Variants in SLC25A37 observed in about 807,000 individuals in gnomAD.
The protein encoded by SLC25A37 is mitoferrin-1.
A neutral mutation model predicts 31.0 loss-of-function variants in SLC25A37; 17 were observed. That is an observed-to-expected ratio of 0.55 (90% CI 0.38 to 0.82). The LOEUF (loss-of-function observed/expected upper bound fraction) is 0.82, where lower values mean the gene tolerates loss of function less well. SLC25A37 is among the 40% of genes least tolerant of loss of function. The pLI, the probability that SLC25A37 is intolerant of heterozygous loss-of-function variation, is 0.00. For synonymous variants in SLC25A37, 222 were observed against 193.0 expected (o/e 1.15, Z -1.24); for missense variants, 404 against 465.8 (o/e 0.87, Z 1.22).
chr8:23,571,822 C>G lies in SLC25A37; in HGVS notation c.984C>G (p.Thr328=). The change falls in exon 4 of 4, where the codon ACC becomes ACG. Residue 328 remains threonine (T), a synonymous_variant. Transcript: ENST00000519973. ...SVYEFFKYFL[T]KRQLENRAPY Reference sequence around the variant, plus strand: ...ATGAGTTCTTCAAGTACTTTCTCACCAAGCGCCAGCTGGAAAATCGAGCTC... The same window carrying G: ...ATGAGTTCTTCAAGTACTTTCTCACGAAGCGCCAGCTGGAAAATCGAGCTC... 3 of 1,611,736 alleles carry G rather than the reference C, an allele frequency of 1.9e-6. No individual in the cohort carries two copies. The highest frequency in any genetic ancestry group is 2.5e-6 in the Non-Finnish European group (3 of 1,177,968).
At chr8:23,569,239 G>C (rs1802752805) in intron 3 of SLC25A37, among the ~76,000 whole-genome samples, 1 of 152,172 alleles carries the variant, frequency 6.6e-6, no homozygotes, top group Non-Finnish European at 1.5e-5. Flanking sequence ...ACTCAGCCAG[G>C]GCGACAGAGC....
intron 1 of SLC25A37, chr8:23,531,899 T>C (rs1801668833): frequency 1.3e-5 from 2 of 152,316 alleles, no homozygotes; most frequent in Admixed American, 1.3e-4. Context: ...GGACTCTGCA[T>C]TTAAAAATAA....
intron 1 of SLC25A37, among the ~76,000 whole-genome samples, chr8:23,530,662 A>C (rs1801645485): frequency 6.6e-6 from 1 of 152,194 alleles, no homozygotes; most frequent in Non-Finnish European, 1.5e-5. Context: ...AAATGTAATA[A>C]AATTCTCCAT....
At chr8:23,559,344 T>TGTGTGC (rs71509392) in intron 1 of SLC25A37, among the ~76,000 whole-genome samples, 1 of 151,732 alleles carries the variant, frequency 6.6e-6, no homozygotes, top group African/African-American at 2.4e-5. Context: ...CGGTTGTGTG[T>TGTGTGC]GTGTGTGTGC....
intron 1 of SLC25A37, among the ~76,000 whole-genome samples, chr8:23,559,788 C>A (rs1802466745): frequency 6.6e-6 from 1 of 152,196 alleles, no homozygotes; most frequent in Non-Finnish European, 1.5e-5. Context: ...ACTTAGCATG[C>A]TGTTGTCAAG....
chr8:23,545,824 C>A lies in SLC25A37; in HGVS notation c.210+16612C>A, dbSNP rs937117792. Among the ~76,000 whole-genome samples, 3 of 151,942 alleles carry A rather than the reference C, an allele frequency of 2.0e-5. No individual in the cohort carries two copies. The South Asian group carries it at 6.2e-4, about 32-fold the overall frequency. The stretch of plus-strand genomic sequence containing the variant: ...GACCAGCCTTGGCAACGGAGCAAGA[C>A]CCTAACTCTAAAAATAAAAATAAAA... On this transcript the variant is annotated intron_variant, in intron 1 of 3. Coordinates refer to ENST00000519973, the MANE Select transcript of SLC25A37 (RefSeq NM_016612.4).
At chr8:23,555,605 G>T (rs1802343423) in intron 1 of SLC25A37, among the ~76,000 whole-genome samples, 1 of 152,234 alleles carries the variant, frequency 6.6e-6, no homozygotes, top group Admixed American at 6.5e-5. Flanking sequence ...TGAAGCCCCA[G>T]TAGACCCTGA....
intron 1 of SLC25A37, among the ~76,000 whole-genome samples, chr8:23,548,750 A>G (rs748097275): frequency 6.6e-6 from 1 of 152,162 alleles, no homozygotes; most frequent in Non-Finnish European, 1.5e-5. Context: ...GATTACAGGC[A>G]TGAGTCACTG....
At chr8:23,553,531 G>A (rs1802284108) in intron 1 of SLC25A37, among the ~76,000 whole-genome samples, 1 of 152,234 alleles carries the variant, frequency 6.6e-6, no homozygotes, top group Admixed American at 6.5e-5. Flanking sequence ...GACAAGGCTG[G>A]CAGAGTCAAG....
chr8:23,552,302 G>C (rs1482400064), intron 1 of SLC25A37, among the ~76,000 whole-genome samples: 1 of 152,186 alleles, frequency 6.6e-6, no homozygotes, highest in African/African-American at 2.4e-5. Flanking sequence ...AGGATTTCTC[G>C]TTCATCTCAG....
At position 23,574,062 on chromosome 8, in the gene SLC25A37, T is replaced by C. The variant is rs924012632; in HGVS notation, c.*2207T>C. ...ACCACCCCTTTTGGTCCACTTAAGA[T>C]ATGCCACGCTGAAGCAAGGTATTTC... On this transcript the variant is annotated 3_prime_UTR_variant, in exon 4 of 4. Coordinates refer to ENST00000519973, the MANE Select transcript of SLC25A37 (RefSeq NM_016612.4). 3.5e-5 allele frequency: 12 copies of C among 345,112 alleles called. No individual in the cohort carries two copies. The highest frequency in any genetic ancestry group is 2.4e-4 in the African/African-American group (11 of 46,650). 21.4% of individuals were successfully genotyped at this position (345,112 alleles called of 1,614,324 possible).
chr8:23,543,696 A>C (rs1202675221), intron 1 of SLC25A37, among the ~76,000 whole-genome samples: 1 of 151,886 alleles, frequency 6.6e-6, no homozygotes, highest in East Asian at 1.9e-4. Flanking sequence ...CACCACGCCC[A>C]GCTAAATTTT....
At chr8:23,568,289 G>T in intron 2 of SLC25A37, 33 bp from the exon 3 acceptor site, 1 of 1,612,014 alleles carries the variant, frequency 6.2e-7, no homozygotes, top group Non-Finnish European at 8.5e-7. Flanking sequence ...ACACCCGATC[G>T]CAGAGGGTAA....
intron 1 of SLC25A37, among the ~76,000 whole-genome samples, chr8:23,541,077 A>G (rs1801882524): frequency 6.6e-6 from 1 of 152,188 alleles, no homozygotes; most frequent in African/African-American, 2.4e-5. Flanking sequence ...CTGTTGAGCC[A>G]AGACAGGGTG....
intron 1 of SLC25A37, among the ~76,000 whole-genome samples, chr8:23,556,842 C>T (rs10099289): frequency 0.086 from 13,072 of 151,948 alleles, 949 homozygotes; most frequent in East Asian, 0.34. Flanking sequence ...GTGATGTCCT[C>T]CTGCTTATTT....
chr8:23,557,763 T>C (rs989565619), intron 1 of SLC25A37, among the ~76,000 whole-genome samples: 3 of 152,124 alleles, frequency 2.0e-5, no homozygotes, highest in African/African-American at 7.2e-5. Flanking sequence ...TTTACTGTGG[T>C]TTATTTAGTG....
intron 1 of SLC25A37, among the ~76,000 whole-genome samples, chr8:23,548,719 C>T (rs965113086): frequency 1.3e-5 from 2 of 152,160 alleles, no homozygotes; most frequent in Non-Finnish European, 2.9e-5. Flanking sequence ...ATCTGCTCAC[C>T]TCAGCCTCCT....
rs763582966 is a variant in SLC25A37, at chr8:23,529,244, G to C, written c.210+32G>C. On this transcript the variant is annotated intron_variant, in intron 1 of 3. Coordinates refer to ENST00000519973, the MANE Select transcript of SLC25A37 (RefSeq NM_016612.4). This position sits in a 1 kb window ranked among gnomAD's most constrained non-coding sequence, Gnocchi z 4.1. ...CGCGGGGAGACTTCGGGGACGCAAC[G>C]AGCGGAGAAGGAGCGCGCGCGCGCA... 2.6e-5 allele frequency: 42 copies of C among 1,585,644 alleles called. No individual in the cohort carries two copies. The highest frequency in any genetic ancestry group is 2.6e-5 in the Non-Finnish European group (30 of 1,166,786).
intron 1 of SLC25A37, among the ~76,000 whole-genome samples, chr8:23,551,605 A>C (rs1017063106): frequency 1.3e-5 from 2 of 151,970 alleles, no homozygotes; most frequent in African/African-American, 4.8e-5. Flanking sequence ...GCAGAAATAA[A>C]AGCAGCAGGC....
Sources: allele counts gnomAD v4.1 joint callset (sites outside exome capture counted in the v4.1 genomes callset), GRCh38; gene constraint gnomAD v4.1.1; non-coding constraint Gnocchi (gnomAD v3.1); transcripts MANE v1.5; gene names NCBI Gene and HGNC (gene_info 2026-07-23, HGNC 2026-07-21).